Variants in ST7L observed in about 807,000 individuals in gnomAD.
The protein encoded by ST7L is suppressor of tumorigenicity 7 protein-like.
ST7L carries 57 observed loss-of-function variants against 72.5 expected under a neutral mutation model. The observed-to-expected ratio is 0.79, with a 90% CI of 0.64 to 0.98. The LOEUF (loss-of-function observed/expected upper bound fraction) is 0.98. Ranked by LOEUF, ST7L falls within the 50% of genes least tolerant of loss-of-function variation. The probability of loss-of-function intolerance (pLI) is 0.00; values close to 1 mark genes in which losing one functional copy is unlikely to be tolerated. For missense variants in ST7L, 576 were observed against 672.2 expected, an observed-to-expected ratio of 0.86 and a Z score of 1.58; for synonymous variants, 221 against 240.9, an observed-to-expected ratio of 0.92 and a Z score of 0.77.
chr1:112,602,083 C>CAAAAAAAAAAAAAAAAA (rs71584754), intron 3 of ST7L, among the ~76,000 whole-genome samples: 20 of 89,004 alleles, frequency 2.2e-4, no homozygotes, highest in African/African-American at 2.7e-4. Context: ...AAACTCCATC[C>CAAAAAAAAAAAAAAAAA]AAAAAAAAAA....
At chr1:112,574,398 G>A (rs1175121236) in intron 11 of ST7L, among the ~76,000 whole-genome samples, 2 of 151,374 alleles carry the variant, frequency 1.3e-5, no homozygotes, top group African/African-American at 2.4e-5. Flanking sequence ...ACTGGCTCAC[G>A]CCTGTAATCC....
intron 6 of ST7L, among the ~76,000 whole-genome samples, chr1:112,590,133 T>G (rs929025010): frequency 2.0e-5 from 3 of 152,216 alleles, no homozygotes; most frequent in African/African-American, 7.2e-5. Context: ...CTTCTTTCAG[T>G]AAGCTGAAAT....
At chr1:112,519,828 A>G (rs1222360894), downstream of ST7L, among the ~76,000 whole-genome samples, 1 of 150,530 alleles carries the variant, frequency 6.6e-6, no homozygotes, top group Admixed American at 6.6e-5. Flanking sequence ...GAGTGGTAGA[A>G]CTGGGATTTG....
intron 6 of ST7L, among the ~76,000 whole-genome samples, chr1:112,588,292 A>G (rs1665162055): frequency 6.6e-6 from 1 of 152,164 alleles, no homozygotes; most frequent in African/African-American, 2.4e-5. Context: ...ATTTTTCTTG[A>G]CTAAACTGCA....
At chr1:112,587,666 C>A (rs182025651) in intron 6 of ST7L, among the ~76,000 whole-genome samples, 1 of 152,190 alleles carries the variant, frequency 6.6e-6, no homozygotes, top group Admixed American at 6.5e-5. Context: ...TCTGGAATCT[C>A]AATTTGAATC....
intron 2 of ST7L, among the ~76,000 whole-genome samples, chr1:112,612,637 G>A (rs1669252844): frequency 1.3e-5 from 2 of 151,994 alleles, no homozygotes; most frequent in Non-Finnish European, 2.9e-5. Context: ...TGTCACTAAT[G>A]TTTTATGCTC....
intron 14 of ST7L, among the ~76,000 whole-genome samples, chr1:112,538,445 C>T (rs746186772): frequency 1.3e-5 from 2 of 152,116 alleles, no homozygotes; most frequent in East Asian, 1.9e-4. Context: ...CAGGCTCAAG[C>T]GATCCTCCCA....
intron 1 of ST7L, chr1:112,618,041 C>T: frequency 7.7e-7 from 1 of 1,303,956 alleles, no homozygotes. Context: ...GGAAAGGGGA[C>T]ATTTGCTGCC....
At chr1:112,583,746 C>A (rs185118532) in intron 7 of ST7L, among the ~76,000 whole-genome samples, 1 of 152,220 alleles carries the variant, frequency 6.6e-6, no homozygotes, top group Admixed American at 6.5e-5. Context: ...CAGAGCAGCA[C>A]ATCTTCTCTC....
At chr1:112,599,127 TACACACACACAC>T (rs71084480) in intron 4 of ST7L, among the ~76,000 whole-genome samples, 223 of 103,838 alleles carry the variant, frequency 2.1e-3, no homozygotes, top group African/African-American at 7.5e-3. Flanking sequence ...TGTGTGTGTA[TACACACACACAC>T]ACACACACAC....
intron 11 of ST7L, among the ~76,000 whole-genome samples, chr1:112,573,612 G>C (rs898625631): frequency 2.0e-5 from 3 of 151,972 alleles, no homozygotes; most frequent in African/African-American, 7.2e-5. Flanking sequence ...TTCTCACAAA[G>C]AAAACTGAAG....
chr1:112,525,882 TC>T lies in ST7L; in HGVS notation c.*130del. The T allele has an allele frequency of 7.8e-7, 1 of 1,289,762 alleles. No individual in the cohort carries two copies. The highest frequency in any genetic ancestry group is 1.0e-6 in the Non-Finnish European group (1 of 966,436). The allele number at this position is 1,289,762 out of a possible 1,614,324, so 79.9% of individuals were successfully genotyped here. A position where few individuals can be genotyped will look rare whatever the true frequency, so the allele number is the denominator to read the frequency against. ...ATAACAATATTCATAAGAAGCTTTT[TC>T]ATATGCAAAATGCTTTAGCATATAT... is the stretch of plus-strand genomic sequence containing the variant. On this transcript the variant is annotated 3_prime_UTR_variant, in exon 15 of 15. Coordinates refer to ENST00000358039, the MANE Select transcript of ST7L (RefSeq NM_017744.5).
rs572676616 is a variant in ST7L at position 112,591,725 on chromosome 1, G to A, written c.623-122C>T. On this transcript the variant is annotated intron_variant, in intron 5 of 14. Coordinates refer to ENST00000358039, the MANE Select transcript of ST7L (RefSeq NM_017744.5). ...ATATATTCTTAAACATACAAAACAA[G>A]AAACTAGGTTATTAGTTCACATTAT... 9 of 556,096 alleles carry A rather than the reference G, an allele frequency of 1.6e-5. No homozygotes were observed. The East Asian group carries it at 2.7e-4, about 17-fold the overall frequency. 34.4% of individuals were successfully genotyped at this position (556,096 alleles called of 1,614,324 possible). A position where few individuals can be genotyped will look rare whatever the true frequency, so the allele number is the denominator to read the frequency against.
chr1:112,599,388 C>T (rs2102024521), intron 4 of ST7L, among the ~76,000 whole-genome samples: 1 of 152,052 alleles, frequency 6.6e-6, no homozygotes, highest in South Asian at 2.1e-4. Flanking sequence ...TTTGTATCTC[C>T]ATCATTTTGC....
intron 6 of ST7L, among the ~76,000 whole-genome samples, chr1:112,590,307 A>C (rs939343054): frequency 6.6e-6 from 1 of 152,182 alleles, no homozygotes; most frequent in African/African-American, 2.4e-5. Context: ...CTAGGGAGTG[A>C]GGGATGGGGC....
rs1376259772 is a variant in ST7L at position 112,597,995 on chromosome 1, CTG to C, written c.596_597del (p.Thr199ArgfsTer35). ...CCTGTGTCTGAAGGACGTAAAAAAT[CTG>C]TGTCACAGGTGAAAAAGGTCTGATG... ...QDHQTFFTCD[T>X]DFLRPSDTVM... is the part of the protein sequence containing the mutation. On this transcript the variant is annotated frameshift_variant, in exon 5 of 15. Transcript: ENST00000358039. LOFTEE classifies it high-confidence loss of function. 3.1e-6 allele frequency: 5 copies of C among 1,613,220 alleles called. No homozygotes were observed. The highest frequency in any genetic ancestry group is 2.7e-5 in the African/African-American group (2 of 74,840).
chr1:112,529,051 G>A (rs116369789), intron 14 of ST7L: 1 of 152,284 alleles, frequency 6.6e-6, no homozygotes, highest in African/African-American at 2.4e-5. Context: ...CCTAACTTCT[G>A]AGGATAAAAA....
chr1:112,595,766 T>C (rs1034505574), intron 5 of ST7L, among the ~76,000 whole-genome samples: 1 of 152,194 alleles, frequency 6.6e-6, no homozygotes, highest in Non-Finnish European at 1.5e-5. Context: ...AATCATTTGA[T>C]TTCATAACAT....
chr1:112,568,861 A>AATAT lies in ST7L; in HGVS notation c.1245+8121_1245+8124dup, dbSNP rs377429784. 6.7e-3 allele frequency among the ~76,000 whole-genome samples: 768 copies of AATAT among 114,862 alleles called. 6 individuals are homozygous for AATAT. Among genetic ancestry groups the AATAT allele is most frequent in the Middle Eastern group, 0.016 (4 of 256 alleles). 75.4% of individuals were successfully genotyped at this position (114,862 alleles called of 152,430 possible). ...CCTGTTTTTTATAAATATAAATATA[A>AATAT]ATATATATATATATATATATATATA... On this transcript the variant is annotated intron_variant, in intron 11 of 14. Coordinates refer to ENST00000358039, the MANE Select transcript of ST7L (RefSeq NM_017744.5).
Sources: allele counts gnomAD v4.1 joint callset (sites outside exome capture counted in the v4.1 genomes callset), GRCh38; gene constraint gnomAD v4.1.1; transcripts MANE v1.5; gene names NCBI Gene and HGNC (gene_info 2026-07-23, HGNC 2026-07-21).